The following ERAP1 variants were observed in gnomAD, a reference collection of about 807,000 sequenced individuals.
ERAP1 encodes the protein endoplasmic reticulum aminopeptidase 1.
ERAP1 carries 86 observed loss-of-function variants against 103.7 expected under a neutral mutation model. The ratio of observed to expected loss-of-function variants is 0.83; its 90% CI spans 0.70 to 0.99. The LOEUF (loss-of-function observed/expected upper bound fraction) is 0.99, where lower values mean the gene tolerates loss of function less well. Ranked by LOEUF, ERAP1 falls within the 50% of genes least tolerant of loss-of-function variation. ERAP1 has a pLI of 0.00. For synonymous variants in ERAP1, 398 were observed against 402.4 expected (o/e 0.99, Z 0.13); for missense variants, 1,009 against 1,128.4 (o/e 0.89, Z 1.52).
At chr5:96,789,111 G>A (rs769052536) in intron 10 of ERAP1, among the ~76,000 whole-genome samples, 7 of 152,236 alleles carry the variant, frequency 4.6e-5, no homozygotes, top group Non-Finnish European at 8.8e-5. Context: ...TGAGAACACA[G>A]AGATGACCCA....
intron 18 of ERAP1, among the ~76,000 whole-genome samples, chr5:96,778,491 G>C (rs1774675712): frequency 6.6e-6 from 1 of 152,164 alleles, no homozygotes; most frequent in Non-Finnish European, 1.5e-5. Context: ...TGGTAGCCCA[G>C]GAGCAGAAGG....
chr5:96,921,807 AC>A, the ERAP1 span, among the ~76,000 whole-genome samples: 4 of 152,172 alleles, frequency 2.6e-5, no homozygotes, highest in Non-Finnish European at 5.9e-5. Flanking sequence ...TTCTTTCAAT[AC>A]TATATTTCAG....
At chr5:96,931,109 AG>A in the ERAP1 span, among the ~76,000 whole-genome samples, 1 of 151,934 alleles carries the variant, frequency 6.6e-6, no homozygotes, top group Non-Finnish European at 1.5e-5. Context: ...TTCCCTACCT[AG>A]GACACTCCAC....
At chr5:96,815,378 GTGTTGTTGT>G in the ERAP1 span, among the ~76,000 whole-genome samples, 1 of 149,664 alleles carries the variant, frequency 6.7e-6, no homozygotes, top group East Asian at 1.9e-4. Flanking sequence ...AACTATTAAG[GTGTTGTTGT>G]TGTTGTTGTT....
At chr5:96,914,148 T>TCTCACACACACACACACACA in the ERAP1 span, among the ~76,000 whole-genome samples, 1,056 of 148,054 alleles carry the variant, frequency 7.1e-3, 7 homozygotes, top group South Asian at 0.024. Context: ...TCTCTCTCTC[T>TCTCACACACACACACACACA]CACACACACA....
chr5:96,873,621 G>C, the ERAP1 span: 1 of 366,096 alleles, frequency 2.7e-6, no homozygotes, highest in East Asian at 7.4e-5. Flanking sequence ...GGCTCATCCA[G>C]AAGTGGAAAG....
At chr5:96,844,577 A>G in the ERAP1 span, among the ~76,000 whole-genome samples, 1 of 152,238 alleles carries the variant, frequency 6.6e-6, no homozygotes, top group Admixed American at 6.5e-5. Context: ...TACTTGCCCA[A>G]GCAAGTAATT....
chr5:96,923,295 G>A, the ERAP1 span, among the ~76,000 whole-genome samples: 1 of 152,124 alleles, frequency 6.6e-6, no homozygotes, highest in African/African-American at 2.4e-5. Context: ...TAAGACCAAG[G>A]GAAACATACT....
chr5:96,777,692 A>G (rs1774541137), intron 18 of ERAP1, among the ~76,000 whole-genome samples: 1 of 152,196 alleles, frequency 6.6e-6, no homozygotes, highest in South Asian at 2.1e-4. Flanking sequence ...ACTGAGCACT[A>G]CTCAACAAAG....
chr5:96,828,879 ACT>A, the ERAP1 span, among the ~76,000 whole-genome samples: 3 of 151,948 alleles, frequency 2.0e-5, no homozygotes, highest in Admixed American at 1.3e-4. Context: ...ATGGGGTGTC[ACT>A]CTGTCACCAG....
At chr5:96,830,855 C>T in the ERAP1 span, among the ~76,000 whole-genome samples, 2 of 152,176 alleles carry the variant, frequency 1.3e-5, no homozygotes, top group African/African-American at 2.4e-5. Flanking sequence ...CCTCCAAATA[C>T]AGTCATCCCT....
the ERAP1 span, among the ~76,000 whole-genome samples, chr5:96,858,439 T>C: frequency 6.6e-6 from 1 of 152,166 alleles, no homozygotes; most frequent in Non-Finnish European, 1.5e-5. Context: ...TCAAGTGATC[T>C]GCCTGCCTTG....
At chr5:96,911,300 C>G in the ERAP1 span, among the ~76,000 whole-genome samples, 3 of 152,116 alleles carry the variant, frequency 2.0e-5, no homozygotes, top group East Asian at 3.9e-4. Flanking sequence ...TTTCTGGCTC[C>G]CTCCTCAATG....
chr5:96,890,152 C>A, the ERAP1 span, among the ~76,000 whole-genome samples: 32 of 152,176 alleles, frequency 2.1e-4, no homozygotes, highest in East Asian at 2.9e-3. Context: ...AAATAAAAAA[C>A]GTTATTTTTA....
At chr5:96,864,715 T>C in the ERAP1 span, among the ~76,000 whole-genome samples, 1 of 152,192 alleles carries the variant, frequency 6.6e-6, no homozygotes, top group East Asian at 1.9e-4. Flanking sequence ...AGCTGTATCA[T>C]ATTTTATAAT....
the ERAP1 span, chr5:96,886,682 C>T: frequency 2.6e-6 from 4 of 1,549,314 alleles, no homozygotes; most frequent in South Asian, 4.8e-5. Flanking sequence ...TGAAGGAGGT[C>T]TTTTGGAAGA....
chr5:96,767,774 T>G (rs1770536509), intron 19 of ERAP1: 3 of 641,200 alleles, frequency 4.7e-6, no homozygotes, highest in Non-Finnish European at 8.3e-6. Flanking sequence ...CAATACATTA[T>G]TATTAATAAA....
intron 7 of ERAP1, among the ~76,000 whole-genome samples, chr5:96,792,468 G>T (rs1022226411): frequency 3.9e-5 from 6 of 152,142 alleles, no homozygotes; most frequent in African/African-American, 1.4e-4. Flanking sequence ...AAACAATTAT[G>T]CCTATAGCCA....
the ERAP1 span, among the ~76,000 whole-genome samples, chr5:96,928,980 G>A: frequency 7.7e-4 from 117 of 152,290 alleles, no homozygotes; most frequent in Admixed American, 1.6e-3. Context: ...CTGGTAAGGC[G>A]AAAACACCTC....
Sources: allele counts gnomAD v4.1 joint callset (sites outside exome capture counted in the v4.1 genomes callset), GRCh38; gene constraint gnomAD v4.1.1; transcripts MANE v1.5; gene names NCBI Gene and HGNC (gene_info 2026-07-23, HGNC 2026-07-21).